Variants in GCC2 observed in about 807,000 individuals in gnomAD.
The protein encoded by GCC2 is GRIP and coiled-coil domain-containing protein 2.
In GCC2, 120 loss-of-function variants were observed where a neutral mutation model predicts 210.6. That is an observed-to-expected ratio of 0.57 (90% confidence interval 0.49 to 0.66). The LOEUF (loss-of-function observed/expected upper bound fraction) is 0.66, where lower values mean the gene tolerates loss of function less well. Ranked by LOEUF, GCC2 falls within the 30% of genes least tolerant of loss-of-function variation. GCC2 has a pLI of 0.00. For missense variants in GCC2, 1,868 were observed against 1,871.9 expected, an observed-to-expected ratio of 1.00 and a Z score of 0.04; for synonymous variants, 703 against 652.7, an observed-to-expected ratio of 1.08 and a Z score of -1.17.
At chr2:108,459,743 G>GTGTTTTTTTTTTTTTTTTTTTTTTT (rs1314451766) in intron 4 of GCC2, among the ~76,000 whole-genome samples, 1 of 15,492 alleles carries the variant, frequency 6.5e-5, no homozygotes, top group South Asian at 2.0e-3. Context: ...GACCTTCTTT[G>GTGTTTTTTTTTTTTTTTTTTTTTTT]TCTTTTTTTT....
chr2:108,492,955 A>G (rs1176225994), intron 19 of GCC2, among the ~76,000 whole-genome samples, 165 bp downstream of exon 19: 13 of 152,232 alleles, frequency 8.5e-5, no homozygotes, highest in Non-Finnish European at 1.6e-4. Context: ...TAATTGAACC[A>G]TCTGAATCCT....
chr2:108,455,064 CATTTAA>C (rs1457659123), intron 4 of GCC2, among the ~76,000 whole-genome samples: 2 of 152,058 alleles, frequency 1.3e-5, no homozygotes, highest in African/African-American at 4.8e-5. Flanking sequence ...AGAATAAGAA[CATTTAA>C]ATATCTACCT....
chr2:108,455,697 T>G (rs1680241264), intron 4 of GCC2, among the ~76,000 whole-genome samples: 1 of 152,206 alleles, frequency 6.6e-6, no homozygotes, highest in African/African-American at 2.4e-5. Context: ...TGTCTTAGAT[T>G]TTACTTAACA....
At position 108,497,040 on chromosome 2, in the gene GCC2, T is replaced by C. The variant is rs775160504; in HGVS notation, c.4713T>C (p.Ser1571=). ...LVQKLSSTTK[S]ADHLNGLLRE... ...AGAAGCTCAGTTCCACCACAAAAAG[T>C]GCAGATCACTTAAACGGCCTGCTTC... The change falls in exon 21 of 23, where the codon AGT becomes AGC. Residue 1571 remains serine (S), a synonymous_variant. Coordinates refer to ENST00000309863, the MANE Select transcript of GCC2 (RefSeq NM_181453.4). 1.2e-6 allele frequency: 2 copies of C among 1,612,026 alleles called. No homozygotes were observed. Among genetic ancestry groups the C allele is most frequent in the Admixed American group, 3.3e-5 (2 of 60,008 alleles).
At position 108,451,606 on chromosome 2, in the gene GCC2, C is replaced by CT. The variant is rs71707293; in HGVS notation, c.148+504dup. On this transcript the variant is annotated intron_variant, in intron 3 of 22. Transcript: ENST00000309863. ...TCCAGAAGGAAAAAGATCTTAGCACCTTTTTTTTTTAGTATATGTACATGA... is the reference window on the plus strand; with the variant it reads ...TCCAGAAGGAAAAAGATCTTAGCACCTTTTTTTTTTTAGTATATGTACATGA... Among the ~76,000 whole-genome samples, 84 of 149,530 alleles carry CT rather than the reference C, an allele frequency of 5.6e-4. 1 individual carries two copies. In the South Asian group the frequency reaches 9.5e-3, roughly 17 times the overall value.
chr2:108,466,038 T>C (rs1680866507), intron 4 of GCC2, among the ~76,000 whole-genome samples: 1 of 152,172 alleles, frequency 6.6e-6, no homozygotes, highest in Non-Finnish European at 1.5e-5. Context: ...CTGATGATTA[T>C]GATGTTGAGC....
intron 9 of GCC2, among the ~76,000 whole-genome samples, chr2:108,478,657 G>C (rs1681669201): frequency 6.6e-6 from 1 of 152,194 alleles, no homozygotes; most frequent in African/African-American, 2.4e-5. Context: ...AATAATACTT[G>C]ATTAAAATCA....
chr2:108,484,044 C>A, intron 12 of GCC2, 105 bp from the exon 13 acceptor site: 1 of 571,102 alleles, frequency 1.8e-6, no homozygotes. Context: ...GAAAAGCACC[C>A]ATTTATTGCT....
chr2:108,474,347 A>T (rs563522641), intron 7 of GCC2, among the ~76,000 whole-genome samples: 1 of 152,324 alleles, frequency 6.6e-6, no homozygotes, highest in African/African-American at 2.4e-5. Context: ...AAGGCAAGTG[A>T]CATGGAAGTG....
At chr2:108,502,000 G>C (rs1682950296) in intron 22 of GCC2, among the ~76,000 whole-genome samples, 1 of 152,084 alleles carries the variant, frequency 6.6e-6, no homozygotes, top group Non-Finnish European at 1.5e-5. Flanking sequence ...AATACATCAT[G>C]TGTATTTTTA....
intron 19 of GCC2, 71 bp downstream of exon 19, chr2:108,492,861 C>A: frequency 8.6e-7 from 1 of 1,162,324 alleles, no homozygotes; most frequent in Non-Finnish European, 1.3e-6. Flanking sequence ...ACATTCTTCA[C>A]AAATTCATAA....
intron 5 of GCC2, 188 bp from the exon 6 acceptor site, chr2:108,469,463 T>A (rs947208096): frequency 1.9e-6 from 1 of 521,712 alleles, no homozygotes; most frequent in East Asian, 3.1e-5. Context: ...ATTGTAGATA[T>A]ATATTGTCAT....
intron 18 of GCC2, among the ~76,000 whole-genome samples, chr2:108,490,541 C>A (rs1310409815): frequency 5.9e-5 from 9 of 152,006 alleles, no homozygotes; most frequent in Non-Finnish European, 1.3e-4. Context: ...GAGTATTAGG[C>A]TGAGGAAAAG....
chr2:108,486,690 A>C (rs1232331159), intron 16 of GCC2, 42 bp downstream of exon 16: 2 of 1,575,118 alleles, frequency 1.3e-6, no homozygotes, highest in Non-Finnish European at 1.7e-6. Flanking sequence ...CTGGGATTTT[A>C]TTATCAGCTA....
At chr2:108,505,747 G>T (rs1454476024) in intron 22 of GCC2, among the ~76,000 whole-genome samples, 2 of 151,714 alleles carry the variant, frequency 1.3e-5, no homozygotes, top group African/African-American at 2.4e-5. Flanking sequence ...CCCTGTGAGA[G>T]TCCTTGAAAT....
chr2:108,451,385 T>C (rs1679935739), intron 3 of GCC2, among the ~76,000 whole-genome samples: 1 of 152,242 alleles, frequency 6.6e-6, no homozygotes, highest in Non-Finnish European at 1.5e-5. Flanking sequence ...TTTTCCTTCA[T>C]GTAGACTTTA....
chr2:108,475,798 A>T lies in GCC2; in HGVS notation c.3008A>T (p.Asp1003Val), dbSNP rs992064468. Residue 1003 changes from aspartate to valine, a missense_variant, in exon 9 of 23, where the codon GAC (aspartate) becomes GTC (valine). Asp to Val is a radical substitution (Grantham distance 152). Coordinates refer to ENST00000309863, the MANE Select transcript of GCC2 (RefSeq NM_181453.4). ...EELESLRSEKDQLSASMRDLI... is the reference protein window; with the variant it reads ...EELESLRSEKVQLSASMRDLI... ...CTTGAATCTCTTCGATCAGAAAAGG[A>T]CCAGTTATCTGCTTCCATGAGAGAT... 6 of 1,606,930 alleles carry T rather than the reference A, an allele frequency of 3.7e-6. No homozygotes were observed. Among genetic ancestry groups the T allele is most frequent in the Non-Finnish European group, 5.1e-6 (6 of 1,176,830 alleles).
intron 2 of GCC2, among the ~76,000 whole-genome samples, chr2:108,450,665 T>G (rs1679885484): frequency 6.6e-6 from 1 of 152,228 alleles, no homozygotes; most frequent in Non-Finnish European, 1.5e-5. Flanking sequence ...GCAGATCACC[T>G]GCGGTCAGGA....
Position 108,472,904 on chromosome 2 carries a change from C to T in GCC2, c.2860+5C>T. ...AAGAGTTGGAAGAAAAAATAGGTAA[C>T]TATGGTTTTGCAGATGTTGTCACAA... On this transcript the variant is annotated splice_donor_5th_base_variant and intron_variant, in intron 7 of 22. Transcript: ENST00000309863. The T allele has an allele frequency of 6.6e-7, 1 of 1,515,868 alleles. No homozygotes were observed. Among genetic ancestry groups the T allele is most frequent in the Non-Finnish European group, 9.1e-7 (1 of 1,101,328 alleles). 93.9% of individuals were successfully genotyped at this position (1,515,868 alleles called of 1,614,324 possible).
Sources: allele counts gnomAD v4.1 joint callset (sites outside exome capture counted in the v4.1 genomes callset), GRCh38; gene constraint gnomAD v4.1.1; transcripts MANE v1.5; gene names NCBI Gene and HGNC (gene_info 2026-07-23, HGNC 2026-07-21).